Variants in EPB41L3 observed in about 807,000 individuals in gnomAD.
EPB41L3 encodes erythrocyte membrane protein band 4.1 like 3.
A neutral mutation model predicts 127.1 loss-of-function variants in EPB41L3; 57 were observed. That is an observed-to-expected ratio of 0.45 (90% CI 0.36 to 0.56). EPB41L3 has a LOEUF of 0.56. EPB41L3 is among the 20% of genes least tolerant of loss of function. EPB41L3 has a pLI of 0.00. For missense variants in EPB41L3, 1,273 were observed against 1,372.2 expected (o/e 0.93, Z 1.14); for synonymous variants, 572 against 549.5 (o/e 1.04, Z -0.57).
At chr18:5,425,257 A>G (rs1403797676) in intron 9 of EPB41L3, among the ~76,000 whole-genome samples, 2 of 152,056 alleles carry the variant, frequency 1.3e-5, no homozygotes, top group Admixed American at 1.3e-4. Context: ...ATCATGTTTG[A>G]CCTCTATTTC....
intron 6 of EPB41L3, among the ~76,000 whole-genome samples, chr18:5,435,797 A>T (rs1199467632): frequency 6.6e-6 from 1 of 152,248 alleles, no homozygotes; most frequent in African/African-American, 2.4e-5. Flanking sequence ...GTAACTCAAT[A>T]GCTATGTCAT....
chr18:5,437,972 G>T, intron 6 of EPB41L3, 63 bp downstream of exon 6: 1 of 1,486,410 alleles, frequency 6.7e-7, no homozygotes, highest in Non-Finnish European at 9.3e-7. Flanking sequence ...TCTTTCCGGA[G>T]CATTTAAGAG....
chr18:5,538,055 A>AT (rs1300559039), intron 1 of EPB41L3, among the ~76,000 whole-genome samples: 1 of 152,250 alleles, frequency 6.6e-6, no homozygotes, highest in Non-Finnish European at 1.5e-5. Context: ...CACTCTGCCA[A>AT]TTAAGCTATG....
chr18:5,481,140 T>C (rs1452547322), intron 2 of EPB41L3, among the ~76,000 whole-genome samples: 2 of 152,146 alleles, frequency 1.3e-5, no homozygotes, highest in African/African-American at 4.8e-5. Flanking sequence ...AGCAGCTATT[T>C]ATAGAGTGAA....
chr18:5,530,622 A>G (rs2093380056), intron 1 of EPB41L3, among the ~76,000 whole-genome samples: 1 of 151,934 alleles, frequency 6.6e-6, no homozygotes, highest in Admixed American at 6.6e-5. Flanking sequence ...TGGCCTCTGT[A>G]CACGCTGGTC....
intron 6 of EPB41L3, 94 bp from the exon 7 acceptor site, chr18:5,434,215 C>T (rs2079407127): frequency 1.1e-6 from 1 of 904,340 alleles, no homozygotes; most frequent in Non-Finnish European, 1.8e-6. Context: ...ATAATTTCTC[C>T]CTGTAGAACA....
chr18:5,498,790 C>T (rs148371677), intron 1 of EPB41L3, among the ~76,000 whole-genome samples: 9 of 151,842 alleles, frequency 5.9e-5, no homozygotes, highest in South Asian at 2.1e-4. Flanking sequence ...AAAGAGTGAG[C>T]GAATAAACTA....
At chr18:5,551,363 A>T (rs2093961073) in intron 3 of EPB41L3, among the ~76,000 whole-genome samples, 1 of 152,172 alleles carries the variant, frequency 6.6e-6, no homozygotes, top group Non-Finnish European at 1.5e-5. Context: ...CTGTTTTACT[A>T]GCACAGACGG....
chr18:5,529,401 C>A (rs7506785), intron 1 of EPB41L3, among the ~76,000 whole-genome samples: 32,818 of 151,906 alleles, frequency 0.22, 3,821 homozygotes, highest in African/African-American at 0.3. Flanking sequence ...AGCACCAGGT[C>A]CCCCCTCTGT....
At chr18:5,418,287 C>T (rs774351417) in intron 12 of EPB41L3, among the ~76,000 whole-genome samples, 1 of 152,168 alleles carries the variant, frequency 6.6e-6, no homozygotes, top group African/African-American at 2.4e-5. Context: ...CAAGTGAGGA[C>T]AGCTTAGTGC....
intron 1 of EPB41L3, among the ~76,000 whole-genome samples, chr18:5,532,006 AG>A (rs1220242872): frequency 6.6e-6 from 1 of 152,230 alleles, no homozygotes; most frequent in Non-Finnish European, 1.5e-5. Context: ...GCAGTTAACT[AG>A]GGCCTGCCGT....
rs141420552 is a variant in EPB41L3, at chr18:5,406,186, G to A, written c.2349+591C>T. Among the ~76,000 whole-genome samples, 948 of 152,228 alleles carry A rather than the reference G, an allele frequency of 6.2e-3. 3 individuals carry two copies. Among genetic ancestry groups the A allele is most frequent in the African/African-American group, 0.022 (893 of 41,530 alleles). ...GAATCACTTGAACCTGGGAGGCGGAGGCTACAGTGAGACAAGATCACCCCA... is the reference window on the plus strand; with the variant it reads ...GAATCACTTGAACCTGGGAGGCGGAAGCTACAGTGAGACAAGATCACCCCA... On this transcript the variant is annotated intron_variant, in intron 16 of 22. Transcript: ENST00000341928.
chr18:5,625,482 C>T (rs543507470), intron 1 of EPB41L3, among the ~76,000 whole-genome samples: 13 of 151,998 alleles, frequency 8.6e-5, no homozygotes, highest in African/African-American at 1.2e-4. Flanking sequence ...GGTGGTCCTA[C>T]GGTAAGGGAG....
At chr18:5,612,895 C>A (rs2094745370) in intron 2 of EPB41L3, among the ~76,000 whole-genome samples, 1 of 152,160 alleles carries the variant, frequency 6.6e-6, no homozygotes, top group Non-Finnish European at 1.5e-5. Context: ...TGTGCACCAC[C>A]ACATCCAGCT....
chr18:5,625,795 G>C (rs1451398981), intron 1 of EPB41L3, among the ~76,000 whole-genome samples: 1 of 152,164 alleles, frequency 6.6e-6, no homozygotes, highest in Non-Finnish European at 1.5e-5. Flanking sequence ...CACTGATGAG[G>C]ATTTGGTGGC....
At chr18:5,473,033 T>C (rs900032346) in intron 3 of EPB41L3, among the ~76,000 whole-genome samples, 3 of 152,200 alleles carry the variant, frequency 2.0e-5, no homozygotes, top group Non-Finnish European at 4.4e-5. Flanking sequence ...TTGTCCTCAG[T>C]TACTGAGCCC....
At chr18:5,489,770 C>T (rs2090368208) in intron 1 of EPB41L3, among the ~76,000 whole-genome samples, 1 of 152,234 alleles carries the variant, frequency 6.6e-6, no homozygotes, top group African/African-American at 2.4e-5. Flanking sequence ...GACTCGGGAT[C>T]TGTCCCACTG....
chr18:5,504,280 A>ATT (rs370797555), intron 1 of EPB41L3, among the ~76,000 whole-genome samples: 1 of 150,658 alleles, frequency 6.6e-6, no homozygotes, highest in African/African-American at 2.4e-5. Context: ...CATCTAACAG[A>ATT]TTTTTTTTTT....
At chr18:5,491,467 A>G (rs559970801) in intron 1 of EPB41L3, among the ~76,000 whole-genome samples, 4 of 152,354 alleles carry the variant, frequency 2.6e-5, no homozygotes, top group African/African-American at 9.6e-5. Context: ...TCTTAAATCC[A>G]GGACCATCAC....
Sources: gnomAD v4.1 joint callset for allele counts (sites outside exome capture counted in the v4.1 genomes callset) on GRCh38, gnomAD v4.1.1 for gene constraint, MANE v1.5 for transcripts, NCBI Gene and HGNC (gene_info 2026-07-23, HGNC 2026-07-21) for gene names.